Variants in SAXO1 observed in about 807,000 individuals in gnomAD.
SAXO1 encodes the protein 4930500O09Rik.
In SAXO1, 21 loss-of-function variants were observed where a neutral mutation model predicts 17.5. The observed-to-expected ratio is 1.20, with a 90% CI of 0.85 to 1.72. The LOEUF (loss-of-function observed/expected upper bound fraction) is 1.72, where lower values mean the gene tolerates loss of function less well. SAXO1 is among the 40% of genes most tolerant of loss of function. The probability of loss-of-function intolerance (pLI) is 0.00; values close to 1 mark genes in which losing one functional copy is unlikely to be tolerated. For missense variants in SAXO1, 843 were observed against 596.0 expected (o/e 1.41, Z -4.32); for synonymous variants, 274 against 216.5 (o/e 1.27, Z -2.33).
chr9:18,943,775 A>T (rs1412495963), intron 2 of SAXO1, among the ~76,000 whole-genome samples: 2 of 152,192 alleles, frequency 1.3e-5, no homozygotes, highest in African/African-American at 4.8e-5. Context: ...GCATGCAGTG[A>T]GGAACAAAGC....
intron 1 of SAXO1, among the ~76,000 whole-genome samples, chr9:19,030,040 T>C (rs1835684944): frequency 6.6e-6 from 1 of 152,158 alleles, no homozygotes; most frequent in African/African-American, 2.4e-5. Context: ...TGCTGATGCA[T>C]AGAGGATGAG....
chr9:19,027,620 G>T (rs952110647), intron 1 of SAXO1: 41 of 1,436,780 alleles, frequency 2.9e-5, no homozygotes, highest in Admixed American at 5.0e-5. Flanking sequence ...GTTCACTGGA[G>T]ATGGTGCCAA....
chr9:18,957,812 G>C (rs1832317147), intron 1 of SAXO1, among the ~76,000 whole-genome samples: 1 of 152,144 alleles, frequency 6.6e-6, no homozygotes, highest in Non-Finnish European at 1.5e-5. Context: ...TGGCCTCAGG[G>C]AAAGAGTAAA....
intron 1 of SAXO1, among the ~76,000 whole-genome samples, chr9:19,046,149 C>T (rs1289996859): frequency 6.9e-6 from 1 of 144,034 alleles, no homozygotes; most frequent in Non-Finnish European, 1.5e-5. Flanking sequence ...TTGGAAGAAA[C>T]CAAGACTAAA....
At chr9:18,947,577 CT>C (rs1338994485) in intron 2 of SAXO1, 1 of 152,232 alleles carries the variant, frequency 6.6e-6, no homozygotes, top group Non-Finnish European at 1.5e-5. Flanking sequence ...TTTTGCCCAT[CT>C]TTAGCGAGCT....
intron 1 of SAXO1, among the ~76,000 whole-genome samples, chr9:19,003,288 G>A (rs886881224): frequency 1.3e-5 from 2 of 152,130 alleles, no homozygotes; most frequent in Admixed American, 6.5e-5. Flanking sequence ...TGGATAGGAA[G>A]AATCAATATT....
chr9:18,966,611 T>C (rs978943692), intron 1 of SAXO1, among the ~76,000 whole-genome samples: 12 of 152,222 alleles, frequency 7.9e-5, no homozygotes, highest in African/African-American at 2.7e-4. Flanking sequence ...TATTCTTCTC[T>C]AAACTGGTTA....
chr9:19,044,650 C>G (rs796439504), intron 1 of SAXO1, among the ~76,000 whole-genome samples: 102 of 151,664 alleles, frequency 6.7e-4, no homozygotes, highest in African/African-American at 2.3e-3. Flanking sequence ...ATCACAAGGT[C>G]AGAAGATCGA....
At chr9:18,944,521 G>A (rs1471949172) in intron 2 of SAXO1, among the ~76,000 whole-genome samples, 1 of 152,162 alleles carries the variant, frequency 6.6e-6, no homozygotes. Context: ...CTCTCTTTCT[G>A]TGGTACATTT....
Position 18,928,528 on chromosome 9 carries a change from C to T in SAXO1, c.949G>A (p.Ala317Thr), listed in dbSNP as rs1448589109. 1.2e-6 allele frequency: 2 copies of T among 1,613,812 alleles called. No individual in the cohort carries two copies. The highest frequency in any genetic ancestry group is 3.3e-5 in the Admixed American group (2 of 59,988). The stretch of plus-strand genomic sequence containing the variant: ...GCAGGTCGGCAGGACTGAGCTGGGG[C>T]ACCCTTAGGGCATGTGTAATGGGCC... ...VQAHYTCPKG[A>T]PAQSCRPALQ... Residue 317 changes from alanine to threonine, a missense_variant, in exon 4 of 4, where the codon GCC becomes ACC. Physicochemically the swap from Ala to Thr is moderately conservative, Grantham distance 58 (BLOSUM62 0). Transcript: ENST00000380534.
intron 1 of SAXO1, among the ~76,000 whole-genome samples, chr9:19,000,578 T>G (rs1588508009): frequency 6.6e-6 from 1 of 152,214 alleles, no homozygotes; most frequent in South Asian, 2.1e-4. Flanking sequence ...CCCCACCATC[T>G]GGGAAGAGAG....
intron 1 of SAXO1, among the ~76,000 whole-genome samples, chr9:19,017,853 C>G (rs1835051059): frequency 6.6e-6 from 1 of 152,212 alleles, no homozygotes; most frequent in African/African-American, 2.4e-5. Flanking sequence ...GGCATGCACA[C>G]AAGTGAACTA....
At chr9:19,016,973 C>G (rs1457639508) in intron 1 of SAXO1, among the ~76,000 whole-genome samples, 1 of 151,960 alleles carries the variant, frequency 6.6e-6, no homozygotes, top group African/African-American at 2.4e-5. Context: ...GAGCATGTGA[C>G]CAAGGCCTGG....
At chr9:18,954,948 T>C (rs1588434821) in intron 1 of SAXO1, among the ~76,000 whole-genome samples, 1 of 150,902 alleles carries the variant, frequency 6.6e-6, no homozygotes, top group Non-Finnish European at 1.5e-5. Context: ...TATAATAGGT[T>C]CCTCTAGAAT....
In SAXO1 at chr9:18,941,633, C is replaced by T; in HGVS notation, c.421+4G>A. 1 of 1,614,144 alleles carries T rather than the reference C, an allele frequency of 6.2e-7. No individual in the cohort carries two copies. The highest frequency in any genetic ancestry group is 8.5e-7 in the Non-Finnish European group (1 of 1,180,010). On this transcript the variant is annotated splice_donor_region_variant and intron_variant, in intron 3 of 3. Coordinates refer to ENST00000380534, the MANE Select transcript of SAXO1 (RefSeq NM_153707.4). ...CCCCAATCTGCCCCTCTGTGCTCTCCCACCTTTATAAGTAGGCAAACACTC... is the reference window on the plus strand; with the variant it reads ...CCCCAATCTGCCCCTCTGTGCTCTCTCACCTTTATAAGTAGGCAAACACTC...
At chr9:18,960,098 C>T (rs533152788) in intron 1 of SAXO1, among the ~76,000 whole-genome samples, 1 of 152,300 alleles carries the variant, frequency 6.6e-6, no homozygotes, top group Non-Finnish European at 1.5e-5. Context: ...GAGAGCACCT[C>T]ATGGGCTCTT....
chr9:18,946,467 G>C (rs534148086), intron 2 of SAXO1, among the ~76,000 whole-genome samples: 2 of 151,974 alleles, frequency 1.3e-5, no homozygotes, highest in East Asian at 3.9e-4. Context: ...AAGAACTGAA[G>C]TGAGATTTGA....
chr9:18,965,563 T>C (rs146759091), intron 1 of SAXO1, among the ~76,000 whole-genome samples: 2,208 of 149,730 alleles, frequency 0.015, 56 homozygotes, highest in African/African-American at 0.053. Flanking sequence ...AGACTAGGAT[T>C]GCAACCCCTG....
intron 2 of SAXO1, among the ~76,000 whole-genome samples, chr9:18,946,692 C>T (rs917938624): frequency 6.6e-6 from 1 of 151,608 alleles, no homozygotes; most frequent in Non-Finnish European, 1.5e-5. Context: ...GCAGACCAGA[C>T]ATTGGAATTA....
Sources: allele counts gnomAD v4.1 joint callset (sites outside exome capture counted in the v4.1 genomes callset), GRCh38; gene constraint gnomAD v4.1.1; transcripts MANE v1.5; gene names NCBI Gene and HGNC (gene_info 2026-07-23, HGNC 2026-07-21).